The following ADAMTS12 variants were observed in gnomAD, a reference collection of about 807,000 sequenced individuals.
ADAMTS12 encodes ADAM metallopeptidase with thrombospondin type 1 motif 12, also known as A disintegrin and metalloproteinase with thrombospondin motifs 12.
Under a neutral mutation model 167.8 loss-of-function variants are expected in ADAMTS12, and 118 were observed. The observed-to-expected ratio is 0.70, with a 90% CI of 0.61 to 0.82. The LOEUF (loss-of-function observed/expected upper bound fraction) is 0.82, where lower values mean the gene tolerates loss of function less well. Among genes scored for constraint, ADAMTS12 ranks in the 40% least tolerant of loss-of-function variants. The pLI is 0.00. For missense variants in ADAMTS12, 1,916 were observed against 1,998.8 expected (o/e 0.96, Z 0.79); for synonymous variants, 704 against 716.9 (o/e 0.98, Z 0.29).
At chr5:33,546,334 A>T in intron 21 of ADAMTS12, 132 bp from the exon 22 acceptor site, 2 of 780,630 alleles carry the variant, frequency 2.6e-6, no homozygotes, top group Non-Finnish European at 3.6e-6. Context: ...ATTAGAATTT[A>T]TAGCATTCCT....
In ADAMTS12 at chr5:33,554,542, T is replaced by C. The variant is rs182071666; in HGVS notation, c.4126-5159A>G. Among the ~76,000 whole-genome samples the C allele has an allele frequency of 7.9e-5, 12 of 152,288 alleles. 1 individual carries two copies. In the East Asian group the frequency reaches 2.3e-3, roughly 29 times the overall value. ...AACAGTAAAATAAATGTAGGGATAC[T>C]CAGTGTATGATTCATCTTTCTGCTA... On this transcript the variant is annotated intron_variant, in intron 20 of 23. Transcript: ENST00000504830.
chr5:33,582,815 A>G (rs911769383), intron 18 of ADAMTS12, among the ~76,000 whole-genome samples: 3 of 152,222 alleles, frequency 2.0e-5, no homozygotes, highest in Non-Finnish European at 4.4e-5. Flanking sequence ...TATAAAAAAC[A>G]TTTGAAATTA....
chr5:33,820,078 T>G (rs1747815070), intron 2 of ADAMTS12, among the ~76,000 whole-genome samples: 2 of 152,166 alleles, frequency 1.3e-5, no homozygotes, highest in African/African-American at 4.8e-5. Flanking sequence ...AACTGTGGCC[T>G]TGGAAAAATC....
At chr5:33,575,949 A>T in intron 19 of ADAMTS12, 105 bp downstream of exon 19, 1 of 1,470,072 alleles carries the variant, frequency 6.8e-7, no homozygotes, top group Non-Finnish European at 9.1e-7. Flanking sequence ...TTGTTTTCAC[A>T]ATAGAATATA....
chr5:33,668,047 A>G (rs536973233), intron 5 of ADAMTS12, among the ~76,000 whole-genome samples: 1 of 152,340 alleles, frequency 6.6e-6, no homozygotes, highest in East Asian at 1.9e-4. Context: ...GAAGTAAGTG[A>G]CACAGATACT....
chr5:33,779,222 G>A (rs977650619), intron 2 of ADAMTS12, among the ~76,000 whole-genome samples: 1 of 112,930 alleles, frequency 8.9e-6, no homozygotes, highest in Admixed American at 1.1e-4. Flanking sequence ...GTCTTGCTTT[G>A]TTGCCCAGGC....
At chr5:33,627,570 A>G (rs1010577204) in intron 13 of ADAMTS12, among the ~76,000 whole-genome samples, 2 of 152,024 alleles carry the variant, frequency 1.3e-5, no homozygotes, top group African/African-American at 4.8e-5. Context: ...GAAAGACTCA[A>G]GAATGACTTA....
rs558654732 is a variant in ADAMTS12, at chr5:33,756,536, C to T, written c.490-4988G>A. 2.0e-5 allele frequency among the ~76,000 whole-genome samples: 3 copies of T among 152,230 alleles called. No individual in the cohort carries two copies. In the South Asian group the frequency reaches 6.2e-4, roughly 32 times the overall value. ...TAATAAGTCAGCAGAAAGTATAAGT[C>T]AAGAGATTATAGAAGCCTCAGAATA... On this transcript the variant is annotated intron_variant, in intron 2 of 23. Transcript: ENST00000504830.
intron 5 of ADAMTS12, among the ~76,000 whole-genome samples, chr5:33,673,400 A>T (rs12653176): frequency 0.37 from 55,945 of 151,904 alleles, 11,866 homozygotes; most frequent in Non-Finnish European, 0.47. Context: ...TCCCACTTTA[A>T]CCTGCGATTC....
At chr5:33,776,886 T>C (rs1250356717) in intron 2 of ADAMTS12, among the ~76,000 whole-genome samples, 1 of 152,100 alleles carries the variant, frequency 6.6e-6, no homozygotes, top group African/African-American at 2.4e-5. Context: ...CATAACAGAC[T>C]ACTATAAACA....
At position 33,588,735 on chromosome 5, in the gene ADAMTS12, C is replaced by T. The variant is rs1561149593; in HGVS notation, c.2729G>A (p.Cys910Tyr). The change falls in exon 18 of 24, where the codon TGC becomes TAC. Residue 910 changes from cysteine (C) to tyrosine (Y), a missense_variant. Transcript: ENST00000504830. ...PHGEKKRTVL[C>Y]IQTMVSDEQA... The stretch of plus-strand genomic sequence containing the variant: ...CTCGTCAGAGACCATGGTCTGGATG[C>T]ACAGCACGGTTCGCTTCTTCTCCCC... The T allele has an allele frequency of 6.2e-7, 1 of 1,614,160 alleles. No individual in the cohort carries two copies. The highest frequency in any genetic ancestry group is 8.5e-7 in the Non-Finnish European group (1 of 1,180,040).
At chr5:33,565,892 C>CAATTAACATTTGTCAATT (rs1745992361) in intron 19 of ADAMTS12, among the ~76,000 whole-genome samples, 1 of 151,654 alleles carries the variant, frequency 6.6e-6, no homozygotes, top group Non-Finnish European at 1.5e-5. Context: ...CTCGTTAAAT[C>CAATTAACATTTGTCAATT]AATTAACATT....
chr5:33,649,062 G>A (rs1740783054), intron 8 of ADAMTS12, 96 bp from the exon 9 acceptor site: 1 of 1,453,728 alleles, frequency 6.9e-7, no homozygotes, highest in Non-Finnish European at 9.3e-7. Context: ...TTTACTCTTT[G>A]TCCTTTAAGA....
intron 2 of ADAMTS12, among the ~76,000 whole-genome samples, chr5:33,862,304 AG>A (rs1749649438): frequency 6.6e-6 from 1 of 152,188 alleles, no homozygotes; most frequent in Admixed American, 6.5e-5. Context: ...AGAAGAAAAT[AG>A]GGGAAAATCA....
chr5:33,704,962 T>C (rs576647426), intron 3 of ADAMTS12, among the ~76,000 whole-genome samples: 65 of 152,298 alleles, frequency 4.3e-4, no homozygotes, highest in African/African-American at 1.5e-3. Context: ...AGAGTTTTAT[T>C]GTTTCAATCT....
intron 2 of ADAMTS12, among the ~76,000 whole-genome samples, chr5:33,875,005 T>C (rs915046262): frequency 1.3e-5 from 2 of 152,114 alleles, no homozygotes; most frequent in African/African-American, 4.8e-5. Context: ...GAGTCAGAGG[T>C]TGCAGTGAGC....
At chr5:33,613,700 G>C (rs1346774144) in intron 16 of ADAMTS12, among the ~76,000 whole-genome samples, 1 of 152,152 alleles carries the variant, frequency 6.6e-6, no homozygotes, top group Non-Finnish European at 1.5e-5. Flanking sequence ...TTTTGTTCTT[G>C]TGGCAGAACT....
At chr5:33,552,135 G>C (rs1404495334) in intron 20 of ADAMTS12, among the ~76,000 whole-genome samples, 2 of 152,150 alleles carry the variant, frequency 1.3e-5, no homozygotes, top group African/African-American at 4.8e-5. Context: ...AATATCCTTA[G>C]CTTACTGGGG....
At chr5:33,585,434 G>T (rs1187416302) in intron 18 of ADAMTS12, among the ~76,000 whole-genome samples, 2 of 152,218 alleles carry the variant, frequency 1.3e-5, no homozygotes, top group Non-Finnish European at 2.9e-5. Flanking sequence ...TAAACTGCCT[G>T]AAATGCCTTT....
Sources: allele counts gnomAD v4.1 joint callset (sites outside exome capture counted in the v4.1 genomes callset), GRCh38; gene constraint gnomAD v4.1.1; transcripts MANE v1.5; gene names NCBI Gene and HGNC (gene_info 2026-07-23, HGNC 2026-07-21).